The following LRP1B variants were observed in gnomAD, a reference collection of about 807,000 sequenced individuals.
LRP1B encodes the protein LDL receptor related protein 1B.
In LRP1B, 217 loss-of-function variants were observed where a neutral mutation model predicts 556.6. The observed-to-expected ratio is 0.39, with a 90% CI of 0.35 to 0.44. LRP1B has a LOEUF of 0.44. Ranked by LOEUF, LRP1B falls within the 20% of genes least tolerant of loss-of-function variation. LRP1B has a pLI of 1.00. For missense variants in LRP1B, 5,053 were observed against 5,620.8 expected (o/e 0.90, Z 3.23); for synonymous variants, 2,047 against 1,865.8 (o/e 1.10, Z -2.50).
intron 81 of LRP1B, 77 bp from the exon 82 acceptor site, chr2:140,322,165 C>A (rs556261381): frequency 2.2e-6 from 3 of 1,356,776 alleles, no homozygotes; most frequent in Admixed American, 2.2e-5. Flanking sequence ...TTAAATAAGG[C>A]GAAATGATTA....
At chr2:140,906,972 T>TAAAAAAAAA (rs398060601) in intron 22 of LRP1B, among the ~76,000 whole-genome samples, 11 of 142,778 alleles carry the variant, frequency 7.7e-5, no homozygotes, top group South Asian at 2.2e-4. Context: ...CCACATATGG[T>TAAAAAAAAA]AAAAAAAAAA....
At chr2:140,813,499 A>T (rs1000873040) in intron 32 of LRP1B, among the ~76,000 whole-genome samples, 158 bp downstream of exon 32, 2 of 152,220 alleles carry the variant, frequency 1.3e-5, no homozygotes, top group African/African-American at 4.8e-5. Flanking sequence ...TTTGCTAAAG[A>T]GGAAAAGAAG....
chr2:140,525,926 A>G lies in LRP1B; in HGVS notation c.7944T>C (p.Ser2648=). 4.3e-6 allele frequency: 7 copies of G among 1,612,496 alleles called. No homozygotes were observed. In the South Asian group the frequency reaches 7.7e-5, roughly 18 times the overall value. ...VKTTGFIRCN[S]TSLCVLPTWI... ...AGGTTGGCAGAACACACAGTGAGGTAGAATTACATCTTATGAACCCTGTGG... is the reference window on the plus strand; with the variant it reads ...AGGTTGGCAGAACACACAGTGAGGTGGAATTACATCTTATGAACCCTGTGG... The change falls in exon 49 of 91, where the codon TCT becomes TCC. Residue 2648 remains serine (S), a synonymous_variant. Coordinates refer to ENST00000389484, the MANE Select transcript of LRP1B (RefSeq NM_018557.3).
intron 1 of LRP1B, among the ~76,000 whole-genome samples, chr2:142,038,005 T>G (rs1054803205): frequency 5.3e-5 from 8 of 151,574 alleles, no homozygotes; most frequent in African/African-American, 1.9e-4. Context: ...TGCTCTTATG[T>G]TTAAGGGATA....
rs962443326 is a variant in LRP1B at position 141,402,035 on chromosome 2, T to A, written c.343+78361A>T. 3.9e-5 allele frequency among the ~76,000 whole-genome samples: 6 copies of A among 152,318 alleles called. 1 individual carries two copies. Among genetic ancestry groups the A allele is most frequent in the East Asian group, 1.9e-4 (1 of 5,186 alleles). On this transcript the variant is annotated intron_variant, in intron 3 of 90. Coordinates refer to ENST00000389484, the MANE Select transcript of LRP1B (RefSeq NM_018557.3). ...AATCAATTATCTTGCCACTAAAGGGTGAGAAGCTGTGCATGATAAATTATT... is the reference window on the plus strand; with the variant it reads ...AATCAATTATCTTGCCACTAAAGGGAGAGAAGCTGTGCATGATAAATTATT...
At chr2:142,117,796 T>C (rs1448555916) in intron 1 of LRP1B, among the ~76,000 whole-genome samples, 1 of 152,166 alleles carries the variant, frequency 6.6e-6, no homozygotes, top group African/African-American at 2.4e-5. Context: ...TCAAGTTGAA[T>C]ATCAGCTGCC....
At chr2:141,543,272 G>A (rs1441904377) in intron 2 of LRP1B, among the ~76,000 whole-genome samples, 2 of 151,848 alleles carry the variant, frequency 1.3e-5, no homozygotes, top group Non-Finnish European at 2.9e-5. Context: ...ACATTGGGAG[G>A]CCAAGGCTGG....
chr2:140,601,572 G>A lies in LRP1B; in HGVS notation c.6867C>T (p.Thr2289=), dbSNP rs150132015. Residue 2289 remains threonine (T), a synonymous_variant, in exon 42 of 91, where the codon ACC becomes ACT. Transcript: ENST00000389484. The part of the protein sequence containing the change: ...AWDTLYWTSS[T]TSSITRHTVD... ...CAGTGTGTCTGGTGATGGATGAGGT[G>A]GTAGAGCTTGTCCAGTACAGTGTAT... The A allele has an allele frequency of 2.1e-5, 34 of 1,613,102 alleles. No homozygotes were observed. The East Asian group carries it at 4.5e-4, about 21-fold the overall frequency.
intron 1 of LRP1B, among the ~76,000 whole-genome samples, chr2:142,052,478 C>A (rs1254851127): frequency 6.6e-6 from 1 of 152,108 alleles, no homozygotes; most frequent in East Asian, 1.9e-4. Context: ...GCGTGCATCC[C>A]AGATTATCCT....
chr2:141,611,074 A>G (rs1424463904), intron 2 of LRP1B, among the ~76,000 whole-genome samples: 2 of 152,224 alleles, frequency 1.3e-5, no homozygotes, highest in Non-Finnish European at 2.9e-5. Flanking sequence ...TCTAGCTGCT[A>G]GAATCAATTG....
At chr2:140,316,559 G>A (rs1032542146) in intron 82 of LRP1B, among the ~76,000 whole-genome samples, 6 of 152,162 alleles carry the variant, frequency 3.9e-5, no homozygotes, top group Admixed American at 6.6e-5. Flanking sequence ...CTCTCATGAC[G>A]TAATAGAAAT....
chr2:141,372,359 C>T (rs1689257720), intron 3 of LRP1B, among the ~76,000 whole-genome samples: 2 of 151,894 alleles, frequency 1.3e-5, no homozygotes, highest in South Asian at 4.2e-4. Context: ...TTTGTTATAT[C>T]TTTGTTTGGG....
intron 6 of LRP1B, among the ~76,000 whole-genome samples, chr2:141,212,392 C>A (rs904759593): frequency 2.0e-5 from 3 of 149,752 alleles, no homozygotes; most frequent in Non-Finnish European, 3.0e-5. Flanking sequence ...CATTCTCCTG[C>A]CTCAGCCTCC....
intron 6 of LRP1B, among the ~76,000 whole-genome samples, chr2:141,207,198 CTGATT>C (rs1361991629): frequency 6.6e-6 from 1 of 152,150 alleles, no homozygotes; most frequent in Non-Finnish European, 1.5e-5. Flanking sequence ...AAACCACTTC[CTGATT>C]TAAGTGGTGA....
chr2:141,791,018 G>C (rs1186027250), intron 2 of LRP1B, among the ~76,000 whole-genome samples: 1 of 151,846 alleles, frequency 6.6e-6, no homozygotes, highest in Non-Finnish European at 1.5e-5. Flanking sequence ...TTTTTAAATG[G>C]TATAAAATTG....
intron 1 of LRP1B, among the ~76,000 whole-genome samples, chr2:141,939,338 G>A (rs1431755772): frequency 6.6e-6 from 1 of 152,002 alleles, no homozygotes; most frequent in Non-Finnish European, 1.5e-5. Context: ...TGCAGAATTA[G>A]TACAATCAAA....
At chr2:140,388,606 A>C (rs1373901986) in intron 66 of LRP1B, among the ~76,000 whole-genome samples, 1 of 152,184 alleles carries the variant, frequency 6.6e-6, no homozygotes, top group African/African-American at 2.4e-5. Flanking sequence ...AAGTTATACA[A>C]ATTTTATGTT....
intron 32 of LRP1B, among the ~76,000 whole-genome samples, chr2:140,790,889 C>G (rs1269034702): frequency 6.6e-6 from 1 of 151,868 alleles, no homozygotes; most frequent in East Asian, 1.9e-4. Flanking sequence ...TCACTTGAGC[C>G]CATAAGTTTG....
chr2:141,652,231 C>T (rs991924662), intron 2 of LRP1B, among the ~76,000 whole-genome samples: 7 of 152,052 alleles, frequency 4.6e-5, no homozygotes, highest in Non-Finnish European at 1.0e-4. Context: ...GGATTCTCTC[C>T]CATTTCTTAA....
Sources: allele counts gnomAD v4.1 joint callset (sites outside exome capture counted in the v4.1 genomes callset), GRCh38; gene constraint gnomAD v4.1.1; transcripts MANE v1.5; gene names NCBI Gene and HGNC (gene_info 2026-07-23, HGNC 2026-07-21).